Variants in NUP93 observed in about 807,000 individuals in gnomAD.
NUP93 encodes nucleoporin 93, also known as nuclear pore complex protein Nup93.
In NUP93, 55 loss-of-function variants were observed where a neutral mutation model predicts 107.8. That is an observed-to-expected ratio of 0.51 (90% CI 0.41 to 0.64). NUP93 has a LOEUF of 0.64. NUP93 is among the 30% of genes least tolerant of loss of function. The pLI is 0.00. For synonymous variants in NUP93, 390 were observed against 397.5 expected, an observed-to-expected ratio of 0.98 and a Z score of 0.22; for missense variants, 937 against 1,044.7, an observed-to-expected ratio of 0.90 and a Z score of 1.42.
chr16:56,790,714 G>A (rs1962741548), intron 3 of NUP93, among the ~76,000 whole-genome samples: 1 of 152,128 alleles, frequency 6.6e-6, no homozygotes, highest in African/African-American at 2.4e-5. Flanking sequence ...GCAAAGTAAT[G>A]GTACAACTTA....
chr16:56,789,289 T>C (rs1319545820), intron 3 of NUP93, among the ~76,000 whole-genome samples: 1 of 152,254 alleles, frequency 6.6e-6, no homozygotes, highest in Admixed American at 6.5e-5. Context: ...AATCACCTTA[T>C]GCACATTCAA....
intron 3 of NUP93, among the ~76,000 whole-genome samples, chr16:56,771,030 C>G (rs1039981215): frequency 6.6e-6 from 1 of 152,124 alleles, no homozygotes; most frequent in African/African-American, 2.4e-5. Context: ...TAAAAGGGAT[C>G]AGAGATGTGC....
intron 3 of NUP93, among the ~76,000 whole-genome samples, chr16:56,768,469 A>G (rs1440493763): frequency 2.0e-5 from 3 of 152,082 alleles, no homozygotes; most frequent in South Asian, 2.1e-4. Flanking sequence ...AGGCTGAGGC[A>G]GGAGAATTGC....
chr16:56,802,992 T>C (rs1360104731), intron 4 of NUP93, among the ~76,000 whole-genome samples: 1 of 152,136 alleles, frequency 6.6e-6, no homozygotes, highest in Non-Finnish European at 1.5e-5. Context: ...TTCCTTTCTT[T>C]TTTATTTTCC....
chr16:56,788,050 A>T (rs1483460071), intron 3 of NUP93, among the ~76,000 whole-genome samples: 1 of 152,142 alleles, frequency 6.6e-6, no homozygotes, highest in African/African-American at 2.4e-5. Flanking sequence ...TGCGTCTCCA[A>T]AGTTTAGCCC....
At chr16:56,783,423 T>C in intron 3 of NUP93, 1 of 964,684 alleles carries the variant, frequency 1.0e-6, no homozygotes, top group Non-Finnish European at 1.2e-6. Context: ...TACCCATGAC[T>C]AAGATTCCTT....
chr16:56,839,751 C>T (rs1404785081), intron 20 of NUP93, 147 bp downstream of exon 20: 3 of 665,854 alleles, frequency 4.5e-6, no homozygotes, highest in Admixed American at 2.5e-5. Flanking sequence ...TTTCAGATAC[C>T]TTGGCCTGGC....
chr16:56,833,583 A>T (rs1367944971), intron 13 of NUP93, among the ~76,000 whole-genome samples, 177 bp downstream of exon 13: 1 of 67,558 alleles, frequency 1.5e-5, no homozygotes, highest in Non-Finnish European at 3.3e-5. Flanking sequence ...CTTCCCCCCC[A>T]CCCCCCAGCA....
chr16:56,805,613 A>G lies in NUP93; in HGVS notation c.470A>G (p.Asp157Gly). 6.2e-7 allele frequency: 1 copy of G among 1,613,986 alleles called. No individual in the cohort carries two copies. Among genetic ancestry groups the G allele is most frequent in the Non-Finnish European group, 8.5e-7 (1 of 1,179,894 alleles). Reference protein sequence around the residue: ...TLLASGEDALDFTQESEPSYI... With the variant: ...TLLASGEDALGFTQESEPSYI... ...CTGGCATCAGGAGAAGACGCCCTTG[A>G]CTTTACTCAAGAAAGCGAGGTAGCT... The change falls in exon 5 of 22, where the codon GAC becomes GGC. Residue 157 changes from aspartate to glycine, a missense_variant. By Grantham distance (94) the Asp-to-Gly change is moderately conservative (BLOSUM62 -1). Coordinates refer to ENST00000308159, the MANE Select transcript of NUP93 (RefSeq NM_014669.5).
rs187723134 is a variant in NUP93 at position 56,791,507 on chromosome 16, G to T, written c.298-6969G>T. Reference sequence around the variant, plus strand: ...ACTTTTGGGAACAAATAAGCCAAGAGAATTTGGCCATTTGGCGAAAACAAA... The same window carrying T: ...ACTTTTGGGAACAAATAAGCCAAGATAATTTGGCCATTTGGCGAAAACAAA... On this transcript the variant is annotated intron_variant, in intron 3 of 21. Transcript: ENST00000308159. Among the ~76,000 whole-genome samples, 47 of 152,330 alleles carry T rather than the reference G, an allele frequency of 3.1e-4. 1 individual carries two copies. The highest frequency in any genetic ancestry group is 1.1e-3 in the African/African-American group (44 of 41,566).
At chr16:56,830,180 G>C (rs551337348) in intron 9 of NUP93, among the ~76,000 whole-genome samples, 1 of 152,298 alleles carries the variant, frequency 6.6e-6, no homozygotes, top group African/African-American at 2.4e-5. Context: ...GTGCATGTGT[G>C]TATATTATCA....
Position 56,845,391 on chromosome 16 carries a change from G to A in NUP93, c.*782G>A, listed in dbSNP as rs1156628935. On this transcript the variant is annotated 3_prime_UTR_variant, in exon 22 of 22. Coordinates refer to ENST00000308159, the MANE Select transcript of NUP93 (RefSeq NM_014669.5). ...TTTAAGCCCCTATTTCCCTTCTCTG[G>A]TGGTCAGTTCCTCTGCTCAGACGAC... 6.6e-6 allele frequency: 1 copy of A among 152,204 alleles called. No homozygotes were observed. Among genetic ancestry groups the A allele is most frequent in the African/African-American group, 2.4e-5 (1 of 41,400 alleles). The allele number at this position is 152,204 out of a possible 1,614,324, so 9.4% of individuals were successfully genotyped here.
At chr16:56,733,681 G>A (rs1425514613) in intron 1 of NUP93, among the ~76,000 whole-genome samples, 1 of 152,086 alleles carries the variant, frequency 6.6e-6, no homozygotes, top group South Asian at 2.1e-4. Flanking sequence ...TACTGGCTTG[G>A]GAAAAGAGTT....
chr16:56,830,924 T>C (rs2144629079), intron 10 of NUP93, among the ~76,000 whole-genome samples: 2 of 152,348 alleles, frequency 1.3e-5, no homozygotes, highest in Middle Eastern at 6.8e-3. Flanking sequence ...AATTTTTCTG[T>C]TCCTACAAGG....
intron 1 of NUP93, among the ~76,000 whole-genome samples, chr16:56,733,049 T>A (rs1032882017): frequency 3.3e-5 from 5 of 152,214 alleles, no homozygotes; most frequent in Admixed American, 6.5e-5. Context: ...GAGTTCCCCA[T>A]GTGACAAGAT....
chr16:56,771,966 C>G (rs1279783387), intron 3 of NUP93, among the ~76,000 whole-genome samples: 3 of 152,208 alleles, frequency 2.0e-5, no homozygotes, highest in Admixed American at 2.0e-4. Context: ...ATTTTGCTTT[C>G]TGTTTTATGC....
chr16:56,829,082 A>C lies in NUP93; in HGVS notation c.900A>C (p.Lys300Asn). The change falls in exon 9 of 22, where the codon AAA (lysine) becomes AAC (asparagine). Residue 300 changes from lysine to asparagine, a missense_variant. Coordinates refer to ENST00000308159, the MANE Select transcript of NUP93 (RefSeq NM_014669.5). ...YQLVRSFLNI[K>N]LPAPLPGLQD... ...TGGTTCGAAGTTTCCTGAACATTAA[A>C]CTGCCAGCTCCCTTGCCTGGACTAC... 6.2e-7 allele frequency: 1 copy of C among 1,613,096 alleles called. No homozygotes were observed. The highest frequency in any genetic ancestry group is 8.5e-7 in the Non-Finnish European group (1 of 1,179,712).
At chr16:56,736,409 A>G (rs906453645) in intron 1 of NUP93, among the ~76,000 whole-genome samples, 32 of 152,232 alleles carry the variant, frequency 2.1e-4, no homozygotes, top group African/African-American at 6.8e-4. Context: ...CTGAGTCTGT[A>G]GTATTTCGTT....
At position 56,791,046 on chromosome 16, in the gene NUP93, A is replaced by G. The variant is rs370824860; in HGVS notation, c.298-7430A>G. On this transcript the variant is annotated intron_variant, in intron 3 of 21. Coordinates refer to ENST00000308159, the MANE Select transcript of NUP93 (RefSeq NM_014669.5). The stretch of plus-strand genomic sequence containing the variant: ...TCCTATTAATTTGTATGTATTGTAC[A>G]TATTAAAATGAGAGATGATACATGA... 1.4e-3 allele frequency among the ~76,000 whole-genome samples: 215 copies of G among 152,290 alleles called. 1 individual carries two copies. Among genetic ancestry groups the G allele is most frequent in the African/African-American group, 5.0e-3 (208 of 41,556 alleles).
Sources: allele counts gnomAD v4.1 joint callset (sites outside exome capture counted in the v4.1 genomes callset), GRCh38; gene constraint gnomAD v4.1.1; transcripts MANE v1.5; gene names NCBI Gene and HGNC (gene_info 2026-07-23, HGNC 2026-07-21).